GLG1: variants seen among roughly 807,000 people sequenced by gnomAD.
GLG1 encodes Golgi apparatus protein 1.
A neutral mutation model predicts 160.5 loss-of-function variants in GLG1; 38 were observed. That is an observed-to-expected ratio of 0.24 (90% confidence interval 0.18 to 0.31). The LOEUF (loss-of-function observed/expected upper bound fraction) is 0.31. Among genes scored for constraint, GLG1 ranks in the 10% least tolerant of loss-of-function variants. The pLI, the probability that GLG1 is intolerant of heterozygous loss-of-function variation, is 1.00. For missense variants in GLG1, 1,373 were observed against 1,505.2 expected, an observed-to-expected ratio of 0.91 and a Z score of 1.45; for synonymous variants, 644 against 543.4, an observed-to-expected ratio of 1.19 and a Z score of -2.57.
At chr16:74,563,905 A>G (rs1045661710) in intron 1 of GLG1, among the ~76,000 whole-genome samples, 12 of 152,164 alleles carry the variant, frequency 7.9e-5, no homozygotes, top group Non-Finnish European at 1.5e-5. Flanking sequence ...TCAGGGAAGT[A>G]TCTGTGAAGT....
At chr16:74,557,358 G>C (rs1174495625) in intron 1 of GLG1, among the ~76,000 whole-genome samples, 2 of 152,162 alleles carry the variant, frequency 1.3e-5, no homozygotes, top group South Asian at 4.1e-4. Context: ...AATCATAGAG[G>C]TCTTTAGATA....
At chr16:74,465,877 T>C (rs2014982133) in intron 18 of GLG1, 64 bp from the exon 19 acceptor site, 12 of 1,411,594 alleles carry the variant, frequency 8.5e-6, no homozygotes, top group East Asian at 4.6e-5. Context: ...TGTGTTCTGA[T>C]TGAAACATTC....
chr16:74,512,248 T>C (rs1597290449), intron 2 of GLG1, among the ~76,000 whole-genome samples: 2 of 137,932 alleles, frequency 1.4e-5, no homozygotes, highest in East Asian at 4.9e-4. Flanking sequence ...AGCCTCCGCC[T>C]GGGTGACAGA....
intron 1 of GLG1, among the ~76,000 whole-genome samples, chr16:74,536,197 A>G (rs1214660811): frequency 3.3e-5 from 5 of 152,274 alleles, no homozygotes; most frequent in African/African-American, 1.2e-4. Flanking sequence ...TCCCAATTAA[A>G]CCACTTCATC....
chr16:74,480,308 A>T lies in GLG1; in HGVS notation c.1760T>A (p.Met587Lys). Reference sequence around the variant, plus strand: ...ACAAGAGAACACAGCTCCCTGAGGCATAAATTCACTGGTCTCATTCCAACC... The same window carrying T: ...ACAAGAGAACACAGCTCCCTGAGGCTTAAATTCACTGGTCTCATTCCAACC... ...THGWNETSEF[M>K]PQGAVFSCLY... The change falls in exon 11 of 26, where the codon ATG becomes AAG. Residue 587 changes from methionine to lysine, a missense_variant. Met to Lys is a moderately conservative substitution (Grantham distance 95). Around this residue, in one of 4 missense-constraint regions of GLG1, gnomAD observed 386 missense variants for 388.5 expected, o/e 0.99. Coordinates refer to ENST00000422840, the MANE Select transcript of GLG1 (RefSeq NM_001145667.2). The T allele has an allele frequency of 6.2e-7, 1 of 1,613,370 alleles. No individual in the cohort carries two copies. The highest frequency in any genetic ancestry group is 8.5e-7 in the Non-Finnish European group (1 of 1,179,238).
At chr16:74,475,092 G>A (rs941039683) in intron 12 of GLG1, among the ~76,000 whole-genome samples, 8 of 151,248 alleles carry the variant, frequency 5.3e-5, no homozygotes. Flanking sequence ...AGGAGGCGGG[G>A]GCTGCAGTAA....
chr16:74,571,814 A>C (rs1316316898), intron 1 of GLG1, among the ~76,000 whole-genome samples: 1 of 152,164 alleles, frequency 6.6e-6, no homozygotes, highest in Non-Finnish European at 1.5e-5. Flanking sequence ...TGTCTCAAAA[A>C]ATAAAAATAA....
chr16:74,583,905 A>G (rs1957991066), intron 1 of GLG1, among the ~76,000 whole-genome samples: 1 of 152,168 alleles, frequency 6.6e-6, no homozygotes, highest in Non-Finnish European at 1.5e-5. Context: ...GTGCTGGCAC[A>G]CAGTAAATAA....
intron 1 of GLG1, among the ~76,000 whole-genome samples, chr16:74,562,712 T>C (rs1238378478): frequency 6.6e-6 from 1 of 152,184 alleles, no homozygotes; most frequent in Admixed American, 6.5e-5. Flanking sequence ...TGACCTCCAG[T>C]GATTCGCCCA....
At chr16:74,596,982 A>C (rs1958319655) in intron 1 of GLG1, among the ~76,000 whole-genome samples, 1 of 151,900 alleles carries the variant, frequency 6.6e-6, no homozygotes, top group South Asian at 2.1e-4. Flanking sequence ...AAATTAACCG[A>C]GTATGGTTAC....
intron 1 of GLG1, among the ~76,000 whole-genome samples, chr16:74,555,996 C>T (rs2018342544): frequency 6.6e-6 from 1 of 152,062 alleles, no homozygotes; most frequent in Non-Finnish European, 1.5e-5. Flanking sequence ...CATGCCATCA[C>T]ATGAGGCCAA....
intron 3 of GLG1, among the ~76,000 whole-genome samples, chr16:74,507,315 T>C (rs1342148334): frequency 6.6e-6 from 1 of 152,160 alleles, no homozygotes; most frequent in Non-Finnish European, 1.5e-5. Flanking sequence ...TTCTAGTGAA[T>C]ATGTACATAC....
At chr16:74,566,149 T>G (rs2018649372) in intron 1 of GLG1, among the ~76,000 whole-genome samples, 2 of 152,196 alleles carry the variant, frequency 1.3e-5, no homozygotes, top group African/African-American at 4.8e-5. Flanking sequence ...TAACGTCAAC[T>G]TTGATCACTT....
intron 1 of GLG1, among the ~76,000 whole-genome samples, chr16:74,601,666 G>A (rs1358861562): frequency 6.6e-6 from 1 of 152,126 alleles, no homozygotes; most frequent in Non-Finnish European, 1.5e-5. Context: ...GCAGAAATTC[G>A]GTTTATGATG....
chr16:74,506,340 A>G (rs960060562), intron 3 of GLG1, among the ~76,000 whole-genome samples: 5 of 151,750 alleles, frequency 3.3e-5, no homozygotes, highest in Non-Finnish European at 7.4e-5. Flanking sequence ...GCACTTTGGG[A>G]GGCCCAGGCG....
At chr16:74,575,623 G>C (rs980618600) in intron 1 of GLG1, among the ~76,000 whole-genome samples, 3 of 152,098 alleles carry the variant, frequency 2.0e-5, no homozygotes, top group African/African-American at 7.2e-5. Context: ...TTTTGAGACA[G>C]AGTCTCCCTC....
rs2014313139 is a variant in GLG1 at position 74,451,710 on chromosome 16, C to A, written c.*1457G>T. 6.9e-6 allele frequency: 2 copies of A among 288,688 alleles called. No individual in the cohort carries two copies. The highest frequency in any genetic ancestry group is 9.3e-5 in the South Asian group (2 of 21,566). 17.9% of individuals were successfully genotyped at this position (288,688 alleles called of 1,614,324 possible). The stretch of plus-strand genomic sequence containing the variant: ...CTGTACACACTGCTCTCTTGTGCAG[C>A]CACTGTGATCTCATGCCCCAAACTC... On this transcript the variant is annotated 3_prime_UTR_variant, in exon 26 of 26. Transcript: ENST00000422840.
intron 6 of GLG1, among the ~76,000 whole-genome samples, chr16:74,494,053 T>C (rs1036607075): frequency 2.0e-5 from 3 of 151,848 alleles, no homozygotes; most frequent in African/African-American, 7.3e-5. Context: ...CAGGTGCCTG[T>C]AGTCATAGCT....
intron 1 of GLG1, among the ~76,000 whole-genome samples, chr16:74,546,961 G>T (rs1398191192): frequency 6.6e-6 from 1 of 151,712 alleles, no homozygotes; most frequent in Non-Finnish European, 1.5e-5. Context: ...TTATCACTGA[G>T]CAAAGGATCA....
Sources: gnomAD v4.1 joint callset for allele counts (sites outside exome capture counted in the v4.1 genomes callset) on GRCh38, gnomAD v4.1.1 for gene constraint, gnomAD v4.1.1 regional missense constraint, MANE v1.5 for transcripts, NCBI Gene and HGNC (gene_info 2026-07-23, HGNC 2026-07-21) for gene names.